SND1: variants seen among roughly 807,000 people sequenced by gnomAD.
SND1 encodes the protein staphylococcal nuclease and tudor domain containing 1, also known as staphylococcal nuclease domain-containing protein 1.
In SND1, 38 loss-of-function variants were observed where a neutral mutation model predicts 121.7. The ratio of observed to expected loss-of-function variants is 0.31; its 90% CI spans 0.24 to 0.41. The LOEUF (loss-of-function observed/expected upper bound fraction) is 0.41, where lower values mean the gene tolerates loss of function less well. Ranked by LOEUF, SND1 falls within the 10% of genes least tolerant of loss-of-function variation. The pLI is 1.00. For missense variants in SND1, 868 were observed against 1,184.6 expected (o/e 0.73, Z 3.92); for synonymous variants, 401 against 447.4 (o/e 0.90, Z 1.31).
At chr7:127,981,541 C>G (rs1318358217) in intron 15 of SND1, among the ~76,000 whole-genome samples, 1 of 151,708 alleles carries the variant, frequency 6.6e-6, no homozygotes, top group African/African-American at 2.4e-5. Flanking sequence ...TTTTTTTCTC[C>G]CCTTAAAAAT....
chr7:127,683,952 G>A (rs1051085060), intron 1 of SND1, among the ~76,000 whole-genome samples: 7 of 152,222 alleles, frequency 4.6e-5, no homozygotes, highest in African/African-American at 1.2e-4. Context: ...GGCATACAAA[G>A]GAGTTTTGCA....
At chr7:127,720,720 A>G (rs1004006766) in intron 9 of SND1, among the ~76,000 whole-genome samples, 3 of 152,148 alleles carry the variant, frequency 2.0e-5, no homozygotes, top group Admixed American at 1.3e-4. Context: ...ATCTGAGGTA[A>G]TATCTCAGTA....
intron 12 of SND1, among the ~76,000 whole-genome samples, chr7:127,850,018 A>G (rs1220735147): frequency 1.3e-5 from 2 of 152,188 alleles, no homozygotes; most frequent in Non-Finnish European, 1.5e-5. Flanking sequence ...ATGTATTTGT[A>G]TGAACCAGAC....
At chr7:127,892,601 C>G (rs1424919130) in intron 13 of SND1, among the ~76,000 whole-genome samples, 4 of 152,130 alleles carry the variant, frequency 2.6e-5, no homozygotes, top group African/African-American at 9.7e-5. Context: ...TTTCGGCCTT[C>G]TGGCCTTCCT....
At chr7:127,763,617 T>A (rs1797344850) in intron 10 of SND1, among the ~76,000 whole-genome samples, 1 of 152,196 alleles carries the variant, frequency 6.6e-6, no homozygotes, top group South Asian at 2.1e-4. Flanking sequence ...AATAATATGA[T>A]ACTTGTTAAA....
chr7:127,762,385 G>A (rs1797320343), intron 10 of SND1, among the ~76,000 whole-genome samples: 1 of 152,158 alleles, frequency 6.6e-6, no homozygotes, highest in South Asian at 2.1e-4. Context: ...GCAGATGACT[G>A]CCCCCTTGCT....
At chr7:128,037,461 A>G (rs1035883695) in intron 16 of SND1, among the ~76,000 whole-genome samples, 1 of 152,248 alleles carries the variant, frequency 6.6e-6, no homozygotes, top group African/African-American at 2.4e-5. Context: ...TGCAGACATC[A>G]TTTCAAATTC....
rs191423565 is a variant in SND1, at chr7:127,948,784, G to T, written c.1669+19455G>T. Among the ~76,000 whole-genome samples the T allele has an allele frequency of 2.9e-4, 44 of 152,304 alleles. No individual in the cohort carries two copies. The East Asian group carries it at 8.1e-3, about 28-fold the overall frequency. On this transcript the variant is annotated intron_variant, in intron 15 of 23. Transcript: ENST00000354725. The stretch of plus-strand genomic sequence containing the variant: ...GCTCAAATGTCTCCCAGATATTTGT[G>T]CAAGATCTGGACCCCTGCATAGCCC...
intron 16 of SND1, among the ~76,000 whole-genome samples, chr7:128,009,095 T>G (rs1803052639): frequency 6.6e-6 from 1 of 152,222 alleles, no homozygotes; most frequent in Non-Finnish European, 1.5e-5. Context: ...AGGATTGCTA[T>G]TAATTGTGCT....
chr7:127,836,419 T>G (rs985972584), intron 11 of SND1, among the ~76,000 whole-genome samples: 4 of 152,070 alleles, frequency 2.6e-5, no homozygotes. Context: ...CTAATTACAA[T>G]GATTTGGAAG....
At chr7:127,906,150 A>G (rs186532184) in intron 14 of SND1, among the ~76,000 whole-genome samples, 32 of 152,290 alleles carry the variant, frequency 2.1e-4, no homozygotes, top group African/African-American at 7.2e-4. Flanking sequence ...TACCTACAAC[A>G]TGTTAACTGG....
chr7:127,839,543 T>G (rs1252233883), intron 11 of SND1, among the ~76,000 whole-genome samples: 2 of 152,150 alleles, frequency 1.3e-5, no homozygotes, highest in African/African-American at 4.8e-5. Context: ...ACTGTTCTAG[T>G]CATACATTGT....
At chr7:127,657,804 T>C (rs1406017235) in intron 1 of SND1, among the ~76,000 whole-genome samples, 1 of 152,190 alleles carries the variant, frequency 6.6e-6, no homozygotes, top group Non-Finnish European at 1.5e-5. Flanking sequence ...TGGCCTATGA[T>C]TTATTCTTTA....
At chr7:127,908,358 GTGC>G (rs1800389201) in intron 14 of SND1, among the ~76,000 whole-genome samples, 1 of 148,318 alleles carries the variant, frequency 6.7e-6, no homozygotes, top group Non-Finnish European at 1.5e-5. Flanking sequence ...GTGTGTGTGT[GTGC>G]GTGCGTGTTG....
At chr7:127,899,429 C>T (rs554205517) in intron 13 of SND1, among the ~76,000 whole-genome samples, 2 of 152,042 alleles carry the variant, frequency 1.3e-5, no homozygotes, top group Non-Finnish European at 2.9e-5. Context: ...TAGTGTTGAC[C>T]TAGAACAACA....
intron 9 of SND1, among the ~76,000 whole-genome samples, chr7:127,715,434 T>C (rs1361108036): frequency 6.6e-6 from 1 of 152,178 alleles, no homozygotes. Flanking sequence ...ATGAGCGTAG[T>C]ACCCAATAGG....
chr7:127,688,447 C>T (rs568909808), intron 2 of SND1, among the ~76,000 whole-genome samples: 16 of 151,882 alleles, frequency 1.1e-4, no homozygotes, highest in African/African-American at 3.9e-4. Flanking sequence ...GTGGCTCATA[C>T]CTGTAATCCA....
chr7:127,704,074 G>C (rs1796149538), intron 7 of SND1, among the ~76,000 whole-genome samples: 1 of 152,190 alleles, frequency 6.6e-6, no homozygotes, highest in South Asian at 2.1e-4. Flanking sequence ...GCAGGGAGTA[G>C]GTTCTTTATG....
intron 11 of SND1, among the ~76,000 whole-genome samples, chr7:127,824,333 G>A (rs325446): frequency 0.67 from 102,056 of 152,102 alleles, 35,160 homozygotes; most frequent in East Asian, 0.92. Flanking sequence ...TTGGTGCTTT[G>A]TTCTTGGGAA....
Sources: gnomAD v4.1 joint callset for allele counts (sites outside exome capture counted in the v4.1 genomes callset) on GRCh38, gnomAD v4.1.1 for gene constraint, MANE v1.5 for transcripts, NCBI Gene and HGNC (gene_info 2026-07-23, HGNC 2026-07-21) for gene names.